GALNTL6: variants seen among roughly 807,000 people sequenced by gnomAD.
The protein encoded by GALNTL6 is polypeptide N-acetylgalactosaminyltransferase like 6.
In GALNTL6, 46 loss-of-function variants were observed where a neutral mutation model predicts 73.7. That is an observed-to-expected ratio of 0.62 (90% CI 0.49 to 0.80). The LOEUF (loss-of-function observed/expected upper bound fraction) is 0.80, where lower values mean the gene tolerates loss of function less well. Among genes scored for constraint, GALNTL6 ranks in the 30% least tolerant of loss-of-function variants. GALNTL6 has a pLI of 0.00. For synonymous variants in GALNTL6, 259 were observed against 263.7 expected, an observed-to-expected ratio of 0.98 and a Z score of 0.17; for missense variants, 604 against 755.0, an observed-to-expected ratio of 0.80 and a Z score of 2.34.
chr4:172,657,251 G>T lies in GALNTL6; in HGVS notation c.554-152110G>T, dbSNP rs533888713. ...CCGGATACCTAGCACCTCTGAGCCT[G>T]AGCTGTCTATGATTAGAGTCAGTAA... is the stretch of plus-strand genomic sequence containing the variant. On this transcript the variant is annotated intron_variant, in intron 5 of 12. Transcript: ENST00000506823. Among the ~76,000 whole-genome samples the T allele has an allele frequency of 3.3e-5, 5 of 152,302 alleles. No individual in the cohort carries two copies. The East Asian group carries it at 7.7e-4, about 24-fold the overall frequency.
chr4:172,047,104 A>G (rs1390764981), intron 2 of GALNTL6, among the ~76,000 whole-genome samples: 1 of 152,156 alleles, frequency 6.6e-6, no homozygotes, highest in Non-Finnish European at 1.5e-5. Flanking sequence ...CCTGCTGAAA[A>G]TGAACGTCTG....
intron 5 of GALNTL6, among the ~76,000 whole-genome samples, chr4:172,684,095 C>A (rs1350011446): frequency 6.6e-6 from 1 of 152,176 alleles, no homozygotes; most frequent in African/African-American, 2.4e-5. Flanking sequence ...GCAGACACAT[C>A]TATATCTCTC....
chr4:171,907,788 A>G (rs1277812990), intron 2 of GALNTL6, among the ~76,000 whole-genome samples: 1 of 151,650 alleles, frequency 6.6e-6, no homozygotes. Flanking sequence ...TACTGTTACC[A>G]AAACAGAGAT....
chr4:172,347,147 A>T (rs1284140733), intron 4 of GALNTL6, among the ~76,000 whole-genome samples: 2 of 150,514 alleles, frequency 1.3e-5, no homozygotes, highest in African/African-American at 2.4e-5. Context: ...GTGCCACCAT[A>T]CCTGGCTAAT....
intron 8 of GALNTL6, among the ~76,000 whole-genome samples, chr4:172,884,415 C>T (rs1161046296): frequency 6.6e-6 from 1 of 152,080 alleles, no homozygotes; most frequent in Non-Finnish European, 1.5e-5. Context: ...ATTTGTATGT[C>T]TTCTTTTGAG....
chr4:172,356,214 C>G (rs1209394591), intron 5 of GALNTL6, among the ~76,000 whole-genome samples: 2 of 152,154 alleles, frequency 1.3e-5, no homozygotes, highest in Non-Finnish European at 2.9e-5. Context: ...ATTTTTCTTT[C>G]AGACAGCTGT....
chr4:171,926,726 A>G (rs1373393172), intron 2 of GALNTL6, among the ~76,000 whole-genome samples: 1 of 152,086 alleles, frequency 6.6e-6, no homozygotes, highest in East Asian at 1.9e-4. Flanking sequence ...ACATTATTTA[A>G]TGCACTTCTT....
intron 2 of GALNTL6, among the ~76,000 whole-genome samples, chr4:172,159,866 G>T (rs1035097748): frequency 6.6e-6 from 1 of 152,168 alleles, no homozygotes; most frequent in Non-Finnish European, 1.5e-5. Flanking sequence ...AGGAGACAGT[G>T]AAGAGATTTG....
chr4:171,912,247 G>A (rs1047796061), intron 2 of GALNTL6, among the ~76,000 whole-genome samples: 2 of 151,882 alleles, frequency 1.3e-5, no homozygotes, highest in Non-Finnish European at 2.9e-5. Flanking sequence ...ATGTCTTTTT[G>A]GCATAACAGT....
chr4:172,799,356 T>C (rs1338589449), intron 5 of GALNTL6, among the ~76,000 whole-genome samples: 1 of 152,216 alleles, frequency 6.6e-6, no homozygotes, highest in East Asian at 1.9e-4. Context: ...TCAGGAGGTT[T>C]TTCTTGTTAA....
intron 5 of GALNTL6, among the ~76,000 whole-genome samples, chr4:172,551,444 TA>T (rs1451189797): frequency 6.6e-6 from 1 of 152,036 alleles, no homozygotes; most frequent in African/African-American, 2.4e-5. Context: ...AAAAGTAGAA[TA>T]TTTTTAAAAT....
rs547987602 is a variant in GALNTL6 at position 172,441,797 on chromosome 4, T to G, written c.553+93108T>G. On this transcript the variant is annotated intron_variant, in intron 5 of 12. Coordinates refer to ENST00000506823, the MANE Select transcript of GALNTL6 (RefSeq NM_001034845.3). The stretch of plus-strand genomic sequence containing the variant: ...AAGAGGAAATTTTCTAATCTGTACA[T>G]GAAACTACCCCAGCAAGTGCTACAG... Among the ~76,000 whole-genome samples the G allele has an allele frequency of 3.3e-5, 5 of 152,256 alleles. No homozygotes were observed. In the South Asian group the frequency reaches 1.0e-3, roughly 32 times the overall value.
intron 2 of GALNTL6, among the ~76,000 whole-genome samples, chr4:171,861,095 C>T (rs958308601): frequency 3.3e-5 from 5 of 152,142 alleles, no homozygotes; most frequent in African/African-American, 1.2e-4. Flanking sequence ...CAAATTCCAC[C>T]CATTTCTGCA....
rs144507570 is a variant in GALNTL6, at chr4:172,652,181, C to T, written c.554-157180C>T. 9.8e-5 allele frequency among the ~76,000 whole-genome samples: 15 copies of T among 152,328 alleles called. No individual in the cohort carries two copies. In the East Asian group the frequency reaches 2.7e-3, roughly 27 times the overall value. On this transcript the variant is annotated intron_variant, in intron 5 of 12. Coordinates refer to ENST00000506823, the MANE Select transcript of GALNTL6 (RefSeq NM_001034845.3). The stretch of plus-strand genomic sequence containing the variant: ...TTTTCCCTTTGTCAGCAAAGTCCAT[C>T]TGTAGCCAGTGACATGCATTTTACA...
At position 172,289,451 on chromosome 4, in the gene GALNTL6, C is replaced by T. The variant is rs576313596; in HGVS notation, c.248-22163C>T. Among the ~76,000 whole-genome samples the T allele has an allele frequency of 1.1e-3, 163 of 152,230 alleles. 1 individual carries two copies. Among genetic ancestry groups the T allele is most frequent in the African/African-American group, 3.9e-3 (160 of 41,540 alleles). On this transcript the variant is annotated intron_variant, in intron 3 of 12. Transcript: ENST00000506823. ...ACTTCATGTTATCTGGTAATTATGG[C>T]AATTTACCTTTCTACCTGGCATTAT... is the stretch of plus-strand genomic sequence containing the variant.
chr4:172,131,686 T>C (rs1271405426), intron 2 of GALNTL6, among the ~76,000 whole-genome samples: 7 of 151,848 alleles, frequency 4.6e-5, no homozygotes, highest in Non-Finnish European at 1.0e-4. Flanking sequence ...AGGTAGCATG[T>C]AATTTATATT....
chr4:171,938,256 A>G (rs1382169778), intron 2 of GALNTL6, among the ~76,000 whole-genome samples: 2 of 152,234 alleles, frequency 1.3e-5, no homozygotes. Context: ...GAAATATCTC[A>G]TATTCTGCTC....
At chr4:172,543,459 C>G (rs1259628151) in intron 5 of GALNTL6, among the ~76,000 whole-genome samples, 1 of 152,210 alleles carries the variant, frequency 6.6e-6, no homozygotes, top group African/African-American at 2.4e-5. Flanking sequence ...GGGGCGCTGT[C>G]TTCCTTGATG....
intron 2 of GALNTL6, among the ~76,000 whole-genome samples, chr4:171,907,858 G>C (rs970124269): frequency 2.0e-5 from 3 of 151,956 alleles, no homozygotes; most frequent in African/African-American, 7.3e-5. Flanking sequence ...ACAACTATCT[G>C]ATCTTTGACA....
Sources: gnomAD v4.1 joint callset for allele counts (sites outside exome capture counted in the v4.1 genomes callset) on GRCh38, gnomAD v4.1.1 for gene constraint, MANE v1.5 for transcripts, NCBI Gene and HGNC (gene_info 2026-07-23, HGNC 2026-07-21) for gene names.